SLC2A13: variants seen among roughly 807,000 people sequenced by gnomAD.
SLC2A13 encodes the protein proton myo-inositol cotransporter.
In SLC2A13, 32 loss-of-function variants were observed where a neutral mutation model predicts 64.4. The observed-to-expected ratio is 0.50, with a 90% confidence interval of 0.37 to 0.67. The LOEUF (loss-of-function observed/expected upper bound fraction) is 0.67, where lower values mean the gene tolerates loss of function less well. Ranked by LOEUF, SLC2A13 falls within the 30% of genes least tolerant of loss-of-function variation. The pLI is 0.00. For synonymous variants in SLC2A13, 338 were observed against 327.1 expected, an observed-to-expected ratio of 1.03 and a Z score of -0.36; for missense variants, 743 against 829.2, an observed-to-expected ratio of 0.90 and a Z score of 1.28.
intron 1 of SLC2A13, among the ~76,000 whole-genome samples, chr12:40,065,198 GAGAGT>G (rs1937675033): frequency 6.6e-6 from 1 of 152,132 alleles, no homozygotes; most frequent in African/African-American, 2.4e-5. Context: ...ATAAATTGCT[GAGAGT>G]ACACAATAAT....
At chr12:39,845,042 T>C (rs1450482506) in intron 6 of SLC2A13, among the ~76,000 whole-genome samples, 1 of 152,004 alleles carries the variant, frequency 6.6e-6, no homozygotes, top group Non-Finnish European at 1.5e-5. Flanking sequence ...AAGTTATAAA[T>C]TTAGAAATAA....
chr12:40,047,092 GGGTTTCACCAT>G (rs1230577672), intron 2 of SLC2A13, among the ~76,000 whole-genome samples: 5 of 152,100 alleles, frequency 3.3e-5, no homozygotes, highest in Non-Finnish European at 2.9e-5. Flanking sequence ...AGTAGAGACA[GGGTTTCACCAT>G]GTTGGCCAGG....
intron 7 of SLC2A13, among the ~76,000 whole-genome samples, chr12:39,794,123 C>CAAAAAAAAAA (rs36179669): frequency 2.6e-5 from 2 of 78,348 alleles, no homozygotes; most frequent in African/African-American, 5.1e-5. Context: ...GGCCAAATTG[C>CAAAAAAAAAA]AAAAAAAAAA....
intron 7 of SLC2A13, among the ~76,000 whole-genome samples, chr12:39,783,567 C>G (rs1486692477): frequency 6.6e-6 from 1 of 152,210 alleles, no homozygotes; most frequent in Non-Finnish European, 1.5e-5. Context: ...GCCATTCTAA[C>G]TGGTGAGAGA....
At position 40,103,695 on chromosome 12, in the gene SLC2A13, C is replaced by T. The variant is rs28365178; in HGVS notation, c.556+1558G>A. Among the ~76,000 whole-genome samples, 206 of 152,188 alleles carry T rather than the reference C, an allele frequency of 1.4e-3. 1 individual carries two copies. In the East Asian group the frequency reaches 0.026, roughly 19 times the overall value. On this transcript the variant is annotated intron_variant, in intron 1 of 9. Coordinates refer to ENST00000280871, the MANE Select transcript of SLC2A13 (RefSeq NM_052885.4). Reference sequence around the variant, plus strand: ...AGGTTGACAGAACAATTCTTGCTACCTAAAATGATGTTATTTCTATGTCAG... The same window carrying T: ...AGGTTGACAGAACAATTCTTGCTACTTAAAATGATGTTATTTCTATGTCAG...
In SLC2A13 at chr12:39,962,132, C is replaced by T. The variant is rs149062222; in HGVS notation, c.926-10767G>A. On this transcript the variant is annotated intron_variant, in intron 3 of 9. Coordinates refer to ENST00000280871, the MANE Select transcript of SLC2A13 (RefSeq NM_052885.4). ...TTCCTGAGAAAAGCCCTATGGATTA[C>T]CCAGGCTGGAGTGCAGTGGCATGAT... Among the ~76,000 whole-genome samples the T allele has an allele frequency of 3.0e-3, 460 of 152,272 alleles. 3 individuals carry two copies. The highest frequency in any genetic ancestry group is 4.8e-3 in the South Asian group (23 of 4,824).
chr12:39,880,535 T>C (rs1206990248), intron 4 of SLC2A13, among the ~76,000 whole-genome samples: 1 of 152,124 alleles, frequency 6.6e-6, no homozygotes, highest in Admixed American at 6.6e-5. Context: ...CATACTACCA[T>C]TAAATCAAGC....
intron 7 of SLC2A13, among the ~76,000 whole-genome samples, chr12:39,769,802 G>A (rs1940496623): frequency 6.6e-6 from 1 of 151,852 alleles, no homozygotes; most frequent in African/African-American, 2.4e-5. Context: ...AATACCAGAA[G>A]TTTATACTCA....
intron 7 of SLC2A13, among the ~76,000 whole-genome samples, chr12:39,778,042 ACACTGCCATGGGGTTGGAGTCC>A (rs1440514730): frequency 6.6e-6 from 1 of 152,142 alleles, no homozygotes; most frequent in East Asian, 1.9e-4. Flanking sequence ...TCACCCCTAG[ACACTGCCATGGGGTTGGAGTCC>A]CACAGCCTGC....
At chr12:39,838,458 A>T (rs1592190375) in intron 6 of SLC2A13, among the ~76,000 whole-genome samples, 1 of 150,066 alleles carries the variant, frequency 6.7e-6, no homozygotes, top group South Asian at 2.1e-4. Context: ...AACCTGCACA[A>T]TGTGCACATG....
intron 3 of SLC2A13, among the ~76,000 whole-genome samples, chr12:40,023,002 C>T (rs1255604208): frequency 6.6e-6 from 1 of 152,132 alleles, no homozygotes; most frequent in African/African-American, 2.4e-5. Flanking sequence ...CTCTTTACTG[C>T]CCTAAGGCAT....
chr12:39,832,942 C>T (rs1307266340), intron 6 of SLC2A13, among the ~76,000 whole-genome samples: 1 of 152,084 alleles, frequency 6.6e-6, no homozygotes, highest in African/African-American at 2.4e-5. Context: ...TTCATGATCA[C>T]CAGCCTCAAA....
At chr12:39,872,037 T>G (rs1944070107) in intron 4 of SLC2A13, 76 bp from the exon 5 acceptor site, 13 of 1,293,736 alleles carry the variant, frequency 1.0e-5, no homozygotes. Flanking sequence ...GAAAAAGATG[T>G]ATTCAATTTG....
chr12:40,021,914 C>A (rs909806293), intron 3 of SLC2A13, among the ~76,000 whole-genome samples: 1 of 152,090 alleles, frequency 6.6e-6, no homozygotes, highest in Non-Finnish European at 1.5e-5. Context: ...TAAATATTTA[C>A]CCCCTCTGAC....
intron 7 of SLC2A13, among the ~76,000 whole-genome samples, chr12:39,767,860 C>T (rs563323408): frequency 1.3e-5 from 2 of 152,122 alleles, no homozygotes; most frequent in East Asian, 1.9e-4. Context: ...TCCTTCCTGT[C>T]GCCATGTGAA....
chr12:39,842,530 C>A (rs1012028601), intron 6 of SLC2A13, among the ~76,000 whole-genome samples: 1 of 151,974 alleles, frequency 6.6e-6, no homozygotes, highest in Non-Finnish European at 1.5e-5. Flanking sequence ...CAGTAGGAGG[C>A]AATGGTTACA....
intron 3 of SLC2A13, among the ~76,000 whole-genome samples, chr12:40,000,169 T>C (rs1471444104): frequency 1.3e-5 from 2 of 152,218 alleles, no homozygotes; most frequent in African/African-American, 2.4e-5. Flanking sequence ...TCTGCCATGA[T>C]TGGGAGGCTT....
intron 3 of SLC2A13, among the ~76,000 whole-genome samples, chr12:40,012,885 C>T (rs765810880): frequency 5.9e-5 from 9 of 152,094 alleles, no homozygotes; most frequent in Non-Finnish European, 8.8e-5. Flanking sequence ...AGCAGGCCTC[C>T]GGGACTGAAT....
intron 1 of SLC2A13, among the ~76,000 whole-genome samples, chr12:40,086,825 T>A (rs986090115): frequency 1.3e-5 from 2 of 152,206 alleles, no homozygotes; most frequent in South Asian, 4.1e-4. Context: ...TGCAGTATGT[T>A]TCTGGAGAAA....
Sources: allele counts gnomAD v4.1 joint callset (sites outside exome capture counted in the v4.1 genomes callset), GRCh38; gene constraint gnomAD v4.1.1; transcripts MANE v1.5; gene names NCBI Gene and HGNC (gene_info 2026-07-23, HGNC 2026-07-21).